Variants in MAP2K6 observed in about 807,000 individuals in gnomAD.
MAP2K6 encodes the protein mitogen-activated protein kinase kinase 6.
MAP2K6 carries 16 observed loss-of-function variants against 53.7 expected under a neutral mutation model. The ratio of observed to expected loss-of-function variants is 0.30; its 90% CI spans 0.20 to 0.45. The LOEUF (loss-of-function observed/expected upper bound fraction) is 0.45. MAP2K6 is among the 20% of genes least tolerant of loss of function. MAP2K6 has a pLI of 1.00. For missense variants in MAP2K6, 204 were observed against 411.9 expected, an observed-to-expected ratio of 0.50 and a Z score of 4.37; for synonymous variants, 132 against 143.1, an observed-to-expected ratio of 0.92 and a Z score of 0.55.
intron 1 of MAP2K6, chr17:69,435,049 C>G (rs1008669860): frequency 1.3e-5 from 2 of 152,116 alleles, no homozygotes; most frequent in East Asian, 1.9e-4. Context: ...CAGTTGGGCT[C>G]AAGGATATCA....
chr17:69,440,120 T>C (rs1309388749), intron 1 of MAP2K6, among the ~76,000 whole-genome samples: 1 of 152,102 alleles, frequency 6.6e-6, no homozygotes, highest in Non-Finnish European at 1.5e-5. Flanking sequence ...TGATCTCGGC[T>C]CACTGCAACT....
Position 69,454,313 on chromosome 17 carries a change from C to A in MAP2K6, c.16+39313C>A, listed in dbSNP as rs538601963. The stretch of plus-strand genomic sequence containing the variant: ...GTCTTACCAGAGAAAATGATCAGGG[C>A]AGATGTTCTCACTGTGTCCGGAGGG... On this transcript the variant is annotated intron_variant, in intron 1 of 11. Coordinates refer to ENST00000590474, the MANE Select transcript of MAP2K6 (RefSeq NM_002758.4). 6.6e-5 allele frequency among the ~76,000 whole-genome samples: 10 copies of A among 152,302 alleles called. No individual in the cohort carries two copies. The East Asian group carries it at 1.7e-3, about 26-fold the overall frequency.
At position 69,512,332 on chromosome 17, in the gene MAP2K6, TTTTTTTG is replaced by T. The variant is rs1230262036; in HGVS notation, c.84-4516_84-4510del. On this transcript the variant is annotated intron_variant, in intron 2 of 11. Transcript: ENST00000590474. Reference sequence around the variant, plus strand: ...AATCTCATTGTCTTTCTAAGTGTTTTTTTTTTGTTTTTTTTTTTTTTTTTTGAGACAG... The same window carrying T: ...AATCTCATTGTCTTTCTAAGTGTTTTTTTTTTTTTTTTTTTTTTGAGACAG... 9.6e-3 allele frequency among the ~76,000 whole-genome samples: 762 copies of T among 79,210 alleles called. 62 individuals are homozygous for T. Among genetic ancestry groups the T allele is most frequent in the African/African-American group, 0.039 (710 of 18,180 alleles). 52.0% of individuals were successfully genotyped at this position (79,210 alleles called of 152,430 possible). A position where few individuals can be genotyped will look rare whatever the true frequency, so the allele number is the denominator to read the frequency against.
At chr17:69,507,935 T>A (rs1300027352) in intron 2 of MAP2K6, among the ~76,000 whole-genome samples, 1 of 151,976 alleles carries the variant, frequency 6.6e-6, no homozygotes, top group Non-Finnish European at 1.5e-5. Flanking sequence ...TTTTATGTTC[T>A]CAGCAATAAT....
At chr17:69,416,751 G>A (rs969158910) in intron 1 of MAP2K6, among the ~76,000 whole-genome samples, 2 of 152,206 alleles carry the variant, frequency 1.3e-5, no homozygotes, top group Non-Finnish European at 2.9e-5. Context: ...GTATTGAAGA[G>A]AAATGGTGCT....
At chr17:69,501,679 A>G (rs920460138) in intron 1 of MAP2K6, 1 of 152,200 alleles carries the variant, frequency 6.6e-6, no homozygotes, top group Non-Finnish European at 1.5e-5. Flanking sequence ...CATATGCCCA[A>G]TCAGGCCGAC....
intron 1 of MAP2K6, among the ~76,000 whole-genome samples, chr17:69,473,818 T>C (rs980166952): frequency 6.6e-6 from 1 of 152,228 alleles, no homozygotes; most frequent in Non-Finnish European, 1.5e-5. Flanking sequence ...AAGGTGTTAT[T>C]GATCAGATCT....
intron 1 of MAP2K6, among the ~76,000 whole-genome samples, chr17:69,456,972 C>T (rs1188500959): frequency 1.3e-5 from 2 of 152,212 alleles, no homozygotes; most frequent in Non-Finnish European, 2.9e-5. Flanking sequence ...ACCTGACCTA[C>T]TGCTTCACGG....
intron 1 of MAP2K6, among the ~76,000 whole-genome samples, chr17:69,497,524 C>CTT (rs11442126): frequency 0.2 from 30,579 of 149,352 alleles, 3,255 homozygotes; most frequent in African/African-American, 0.26. Context: ...CTTGTTACAT[C>CTT]TTTTTTTTTT....
chr17:69,465,359 T>C (rs1907761429), intron 1 of MAP2K6, among the ~76,000 whole-genome samples: 1 of 152,162 alleles, frequency 6.6e-6, no homozygotes. Context: ...TTTCCTGCCC[T>C]CTTGCATTTT....
intron 1 of MAP2K6, among the ~76,000 whole-genome samples, chr17:69,422,124 A>ATT (rs35694490): frequency 0.029 from 2,538 of 87,256 alleles, 67 homozygotes; most frequent in African/African-American, 0.043. Context: ...AATCATCGTA[A>ATT]TTTTTTTTTT....
chr17:69,468,744 C>T (rs1907893615), intron 1 of MAP2K6, among the ~76,000 whole-genome samples: 1 of 152,192 alleles, frequency 6.6e-6, no homozygotes, highest in South Asian at 2.1e-4. Flanking sequence ...AAAGCCCCTT[C>T]ATCATCCCTC....
intron 1 of MAP2K6, chr17:69,485,501 A>AAC (rs1181725212): frequency 2.1e-5 from 20 of 973,590 alleles, no homozygotes; most frequent in Non-Finnish European, 2.4e-5. Context: ...ATTTCATTTG[A>AAC]AACTACGGGA....
chr17:69,423,968 T>C (rs1906179684), intron 1 of MAP2K6, among the ~76,000 whole-genome samples: 1 of 152,174 alleles, frequency 6.6e-6, no homozygotes, highest in African/African-American at 2.4e-5. Flanking sequence ...ATAACTCTCC[T>C]GCTACCACCA....
intron 1 of MAP2K6, among the ~76,000 whole-genome samples, chr17:69,425,888 C>A (rs888574730): frequency 6.6e-6 from 1 of 151,892 alleles, no homozygotes; most frequent in East Asian, 1.9e-4. Flanking sequence ...TAGAGATAAC[C>A]TTTTTGTGAT....
chr17:69,541,569 G>C (rs1911635930), intron 11 of MAP2K6, 107 bp from the exon 12 acceptor site: 1 of 768,722 alleles, frequency 1.3e-6, no homozygotes, highest in South Asian at 1.7e-5. Context: ...GCCTAGCTCT[G>C]ATAGGGATAC....
intron 1 of MAP2K6, among the ~76,000 whole-genome samples, chr17:69,430,775 CT>C (rs946258694): frequency 6.6e-6 from 1 of 152,206 alleles, no homozygotes; most frequent in African/African-American, 2.4e-5. Flanking sequence ...CTGGTTTTCT[CT>C]GTCAGGTTAG....
intron 1 of MAP2K6, among the ~76,000 whole-genome samples, chr17:69,429,518 T>TA (rs560489248): frequency 0.031 from 4,550 of 148,574 alleles, 96 homozygotes; most frequent in Non-Finnish European, 0.04. Context: ...CTGTAAGTCT[T>TA]AAAAAAAAAA....
chr17:69,539,399 A>G (rs75480350), intron 11 of MAP2K6, among the ~76,000 whole-genome samples: 4 of 151,998 alleles, frequency 2.6e-5, no homozygotes, highest in East Asian at 1.9e-4. Flanking sequence ...TCATTTGTCA[A>G]TTTCCTGGTT....
Sources: gnomAD v4.1 joint callset for allele counts (sites outside exome capture counted in the v4.1 genomes callset) on GRCh38, gnomAD v4.1.1 for gene constraint, MANE v1.5 for transcripts, NCBI Gene and HGNC (gene_info 2026-07-23, HGNC 2026-07-21) for gene names.